The following PALM2AKAP2 variants were observed in gnomAD, a reference collection of about 807,000 sequenced individuals.
PALM2AKAP2 encodes the protein PALM2 and AKAP2 fusion.
A neutral mutation model predicts 71.5 loss-of-function variants in PALM2AKAP2; 37 were observed. That is an observed-to-expected ratio of 0.52 (90% confidence interval 0.40 to 0.68). The LOEUF is 0.68. Among genes scored for constraint, PALM2AKAP2 ranks in the 30% least tolerant of loss-of-function variants. The pLI, the probability that PALM2AKAP2 is intolerant of heterozygous loss-of-function variation, is 0.00. For synonymous variants in PALM2AKAP2, 468 were observed against 478.8 expected, an observed-to-expected ratio of 0.98 and a Z score of 0.29; for missense variants, 1,224 against 1,191.8, an observed-to-expected ratio of 1.03 and a Z score of -0.40.
At chr9:109,910,561 A>T (rs759083095) in intron 3 of PALM2AKAP2, among the ~76,000 whole-genome samples, 2 of 152,218 alleles carry the variant, frequency 1.3e-5, no homozygotes, top group African/African-American at 2.4e-5. Flanking sequence ...TCTCTTCATC[A>T]TGGAGGAAGA....
intron 1 of PALM2AKAP2, chr9:109,863,054 G>T (rs1375472584): frequency 4.7e-6 from 2 of 423,016 alleles, no homozygotes; most frequent in Middle Eastern, 4.4e-4. Flanking sequence ...TTTAGGCAAG[G>T]GTCGGAGGTG....
At chr9:109,966,970 A>G (rs2132136773) in intron 6 of PALM2AKAP2, among the ~76,000 whole-genome samples, 1 of 152,366 alleles carries the variant, frequency 6.6e-6, no homozygotes, top group Middle Eastern at 3.4e-3. Context: ...GTCTTTTGCC[A>G]CATAACAAAT....
At chr9:109,908,120 C>T (rs1046955946) in intron 3 of PALM2AKAP2, among the ~76,000 whole-genome samples, 1 of 152,202 alleles carries the variant, frequency 6.6e-6, no homozygotes, top group African/African-American at 2.4e-5. Flanking sequence ...CTTCTAGGCA[C>T]TGTGGATGCC....
intron 1 of PALM2AKAP2, among the ~76,000 whole-genome samples, chr9:110,129,212 A>G (rs1217604827): frequency 1.3e-5 from 2 of 152,208 alleles, no homozygotes; most frequent in South Asian, 2.1e-4. Flanking sequence ...GAGTTCATCT[A>G]TTTCTGACCA....
At chr9:109,980,049 C>T (rs1832241978) in intron 6 of PALM2AKAP2, among the ~76,000 whole-genome samples, 1 of 152,112 alleles carries the variant, frequency 6.6e-6, no homozygotes, top group Non-Finnish European at 1.5e-5. Context: ...CCACACATGC[C>T]CATCCCTGTC....
chr9:109,951,976 G>T (rs1367087116), intron 6 of PALM2AKAP2, among the ~76,000 whole-genome samples: 1 of 152,214 alleles, frequency 6.6e-6, no homozygotes, highest in Non-Finnish European at 1.5e-5. Flanking sequence ...GGGTTCATCT[G>T]GTGCAGTCTG....
chr9:109,918,632 G>A (rs1326121398), intron 3 of PALM2AKAP2, among the ~76,000 whole-genome samples: 4 of 152,212 alleles, frequency 2.6e-5, no homozygotes, highest in Admixed American at 6.5e-5. Flanking sequence ...AAACAGTGGC[G>A]TCTGCAGCCT....
chr9:110,018,852 C>T lies in PALM2AKAP2; in HGVS notation c.582+2813C>T, dbSNP rs558657335. Among the ~76,000 whole-genome samples the T allele has an allele frequency of 2.0e-5, 3 of 152,252 alleles. No individual in the cohort carries two copies. In the South Asian group the frequency reaches 6.2e-4, roughly 32 times the overall value. ...TAAGTTGTTTCCCACCCCACATTGC[C>T]TTACATAACCATGATGTCTTTGTAT... On this transcript the variant is annotated intron_variant, in intron 7 of 9. Coordinates refer to the PALM2AKAP2 transcript ENST00000302798.
chr9:109,898,246 G>C (rs1053881971), intron 3 of PALM2AKAP2, among the ~76,000 whole-genome samples: 1 of 152,174 alleles, frequency 6.6e-6, no homozygotes, highest in African/African-American at 2.4e-5. Context: ...CCTGCCCCAG[G>C]TTATAGCAAC....
At chr9:109,888,711 C>CACAAA (rs1830021201) in intron 3 of PALM2AKAP2, among the ~76,000 whole-genome samples, 1 of 98,828 alleles carries the variant, frequency 1.0e-5, no homozygotes, top group African/African-American at 4.1e-5. Context: ...ATTTTGCCTC[C>CACAAA]AAAAAAAAAA....
chr9:109,977,814 A>G (rs924033340), intron 6 of PALM2AKAP2, among the ~76,000 whole-genome samples: 2 of 152,004 alleles, frequency 1.3e-5, no homozygotes, highest in African/African-American at 4.8e-5. Context: ...CAGGCTCCAA[A>G]CAGCTTCCTT....
intron 3 of PALM2AKAP2, among the ~76,000 whole-genome samples, chr9:109,918,898 C>A (rs1830756161): frequency 1.3e-5 from 2 of 151,886 alleles, no homozygotes; most frequent in South Asian, 4.1e-4. Context: ...CCTTTTTTTT[C>A]TCTCCCTCTC....
At chr9:109,883,559 G>A (rs1209880093) in intron 3 of PALM2AKAP2, among the ~76,000 whole-genome samples, 1 of 152,130 alleles carries the variant, frequency 6.6e-6, no homozygotes, top group Non-Finnish European at 1.5e-5. Flanking sequence ...CATCTTGCTG[G>A]CATCTTCTCT....
chr9:109,803,116 A>G (rs975214214), intron 1 of PALM2AKAP2, among the ~76,000 whole-genome samples: 2 of 152,222 alleles, frequency 1.3e-5, no homozygotes, highest in Non-Finnish European at 2.9e-5. Context: ...AAAAAAAGAA[A>G]CACTAACACA....
chr9:110,079,502 GA>G (rs1363123614), intron 1 of PALM2AKAP2, among the ~76,000 whole-genome samples: 5 of 150,498 alleles, frequency 3.3e-5, no homozygotes, highest in Admixed American at 6.6e-5. Context: ...TCTCCAAAAA[GA>G]AAAAAAAATC....
intron 1 of PALM2AKAP2, among the ~76,000 whole-genome samples, chr9:110,109,002 A>G (rs1835177661): frequency 1.3e-5 from 2 of 152,232 alleles, no homozygotes; most frequent in South Asian, 4.2e-4. Context: ...AATTCAAAGC[A>G]GCAGGGTGGT....
At chr9:110,071,361 T>C (rs528557855) in intron 1 of PALM2AKAP2, among the ~76,000 whole-genome samples, 14 of 152,202 alleles carry the variant, frequency 9.2e-5, no homozygotes, top group Non-Finnish European at 1.8e-4. Context: ...GTCCCAAATG[T>C]TATTTTCTTC....
At chr9:109,797,102 G>GCTA (rs1379634353) in intron 1 of PALM2AKAP2, among the ~76,000 whole-genome samples, 1 of 152,138 alleles carries the variant, frequency 6.6e-6, no homozygotes, top group Non-Finnish European at 1.5e-5. Context: ...TTTGCCTGAT[G>GCTA]CTACCTCTTT....
At chr9:110,125,376 C>G (rs1034934917) in intron 1 of PALM2AKAP2, 1 of 484,544 alleles carries the variant, frequency 2.1e-6, no homozygotes, top group Non-Finnish European at 2.7e-6. Context: ...CCTCCAGCTC[C>G]GGCCAGCCAG....
Sources: gnomAD v4.1 joint callset for allele counts (sites outside exome capture counted in the v4.1 genomes callset) on GRCh38, gnomAD v4.1.1 for gene constraint, MANE v1.5 for transcripts, NCBI Gene and HGNC (gene_info 2026-07-23, HGNC 2026-07-21) for gene names.